RBFOX1: variants seen among roughly 807,000 people sequenced by gnomAD.
RBFOX1 encodes RNA binding fox-1 homolog 1.
RBFOX1 carries 8 observed loss-of-function variants against 57.7 expected under a neutral mutation model. The ratio of observed to expected loss-of-function variants is 0.14; its 90% CI spans 0.08 to 0.25. RBFOX1 has a LOEUF of 0.25. Among genes scored for constraint, RBFOX1 ranks in the 10% least tolerant of loss-of-function variants. The pLI is 1.00. For synonymous variants in RBFOX1, 326 were observed against 222.4 expected (o/e 1.47, Z -4.15); for missense variants, 611 against 548.5 (o/e 1.11, Z -1.14).
intron 3 of RBFOX1, among the ~76,000 whole-genome samples, chr16:5,803,507 T>A (rs1331622460): frequency 6.6e-6 from 1 of 152,178 alleles, no homozygotes; most frequent in Non-Finnish European, 1.5e-5. Context: ...ACTTTCTTTG[T>A]GAGATTGCAG....
intron 1 of RBFOX1, among the ~76,000 whole-genome samples, chr16:5,457,779 T>C (rs571344895): frequency 1.3e-5 from 2 of 152,220 alleles, no homozygotes; most frequent in Non-Finnish European, 2.9e-5. Context: ...TGGTACTTAT[T>C]TTAATTGTTG....
At position 6,459,984 on chromosome 16, in the gene RBFOX1, C is replaced by CAAAAAAAAAAAAAAAAAA. The variant is rs149424076; in HGVS notation, c.-64+142954_-64+142971dup. On this transcript the variant is annotated intron_variant, in intron 2 of 15. Coordinates refer to ENST00000550418, the MANE Select transcript of RBFOX1 (RefSeq NM_018723.4). ...GGGCAACAAGAGTGAAACTCCATCT[C>CAAAAAAAAAAAAAAAAAA]AAAAAAAAAAAAAAAAAAAAAAAAA... 6.9e-4 allele frequency among the ~76,000 whole-genome samples: 33 copies of CAAAAAAAAAAAAAAAAAA among 47,684 alleles called. 3 individuals are homozygous for CAAAAAAAAAAAAAAAAAA. The highest frequency in any genetic ancestry group is 1.0e-3 in the Non-Finnish European group (25 of 24,692). The allele number at this position is 47,684 out of a possible 152,430, so 31.3% of individuals were successfully genotyped here. A position where few individuals can be genotyped will look rare whatever the true frequency, so the allele number is the denominator to read the frequency against.
intron 3 of RBFOX1, chr16:6,704,398 C>T (rs945353695): frequency 2.0e-5 from 3 of 152,254 alleles, no homozygotes; most frequent in African/African-American, 7.2e-5. Flanking sequence ...TGAGGTGGTT[C>T]TGCTGTCCTG....
chr16:5,915,517 T>C (rs2058685700), intron 4 of RBFOX1, among the ~76,000 whole-genome samples: 1 of 152,040 alleles, frequency 6.6e-6, no homozygotes, highest in African/African-American at 2.4e-5. Context: ...GGACCTACTT[T>C]TAGTAGGTAG....
intron 1 of RBFOX1, among the ~76,000 whole-genome samples, chr16:6,160,408 A>G (rs2096869442): frequency 2.0e-5 from 3 of 152,152 alleles, no homozygotes; most frequent in Non-Finnish European, 2.9e-5. Flanking sequence ...GCTAAAATAT[A>G]CTTGTCTAAA....
chr16:7,636,509 A>G lies in RBFOX1; in HGVS notation c.757+5826A>G, dbSNP rs73490694. 4.7e-3 allele frequency among the ~76,000 whole-genome samples: 713 copies of G among 152,250 alleles called. 5 individuals carry two copies. Among genetic ancestry groups the G allele is most frequent in the African/African-American group, 0.016 (674 of 41,530 alleles). On this transcript the variant is annotated intron_variant, in intron 11 of 15. Transcript: ENST00000550418. ...TGTTACACGTGTATTTCCTGTTTTG[A>G]CGATTGATGTTGCTCAGATTCCACC...
intron 4 of RBFOX1, among the ~76,000 whole-genome samples, chr16:5,912,120 C>T (rs2058616089): frequency 6.6e-6 from 1 of 152,158 alleles, no homozygotes; most frequent in Non-Finnish European, 1.5e-5. Context: ...TTGGACAGAC[C>T]TGAGCTTCAC....
At chr16:6,105,601 A>T (rs1453881958) in intron 1 of RBFOX1, among the ~76,000 whole-genome samples, 2 of 151,942 alleles carry the variant, frequency 1.3e-5, no homozygotes, top group African/African-American at 2.4e-5. Flanking sequence ...CATGGACACT[A>T]CCTTTTATTT....
Position 7,194,581 on chromosome 16 carries a change from A to T in RBFOX1, c.27+142483A>T, listed in dbSNP as rs145615818. 1.2e-4 allele frequency among the ~76,000 whole-genome samples: 19 copies of T among 152,270 alleles called. 1 individual carries two copies. The highest frequency in any genetic ancestry group is 3.4e-4 in the African/African-American group (14 of 41,556). ...AATGCCTGAAACCATCTTTGAATCCATTCTGTTTTCTACCCCTTTCCCAGA... is the reference window on the plus strand; with the variant it reads ...AATGCCTGAAACCATCTTTGAATCCTTTCTGTTTTCTACCCCTTTCCCAGA... On this transcript the variant is annotated intron_variant, in intron 4 of 15. Coordinates refer to ENST00000550418, the MANE Select transcript of RBFOX1 (RefSeq NM_018723.4).
intron 3 of RBFOX1, among the ~76,000 whole-genome samples, chr16:7,011,796 G>C (rs1435105321): frequency 1.3e-5 from 2 of 152,224 alleles, no homozygotes; most frequent in African/African-American, 4.8e-5. Flanking sequence ...TTACAGGCGT[G>C]AGCCGCCGCA....
chr16:6,518,436 G>A (rs1008967808), intron 2 of RBFOX1, among the ~76,000 whole-genome samples: 2 of 152,248 alleles, frequency 1.3e-5, no homozygotes, highest in African/African-American at 2.4e-5. Flanking sequence ...GGTGATGACC[G>A]TGTGTCATTT....
chr16:6,818,837 G>T (rs897954416), intron 3 of RBFOX1, among the ~76,000 whole-genome samples: 1 of 152,084 alleles, frequency 6.6e-6, no homozygotes, highest in East Asian at 1.9e-4. Context: ...TGGGCATATC[G>T]CCCAACTCAG....
intron 3 of RBFOX1, among the ~76,000 whole-genome samples, chr16:6,789,854 G>A (rs2082606166): frequency 6.6e-6 from 1 of 151,686 alleles, no homozygotes; most frequent in Non-Finnish European, 1.5e-5. Context: ...TTCATTAAGT[G>A]GTTAGCTACT....
At chr16:7,062,830 G>A (rs1279487682) in intron 4 of RBFOX1, among the ~76,000 whole-genome samples, 1 of 131,880 alleles carries the variant, frequency 7.6e-6, no homozygotes, top group African/African-American at 2.9e-5. Context: ...CTGCCTTTAT[G>A]TTTAACCCTG....
At chr16:6,768,640 A>G (rs1274184961) in intron 3 of RBFOX1, among the ~76,000 whole-genome samples, 4 of 151,680 alleles carry the variant, frequency 2.6e-5, no homozygotes. Context: ...GCCTACCTGT[A>G]TATATTCATT....
intron 4 of RBFOX1, among the ~76,000 whole-genome samples, chr16:7,444,452 G>A (rs979371460): frequency 6.6e-6 from 1 of 152,160 alleles, no homozygotes; most frequent in Non-Finnish European, 1.5e-5. Context: ...AACAGCCTAG[G>A]GGGAGAGCAG....
At chr16:7,000,714 C>A (rs755425892) in intron 3 of RBFOX1, among the ~76,000 whole-genome samples, 1 of 145,876 alleles carries the variant, frequency 6.9e-6, no homozygotes, top group Non-Finnish European at 1.5e-5. Context: ...ATGCCATTCT[C>A]CTGCCTCAGC....
At chr16:7,396,829 T>C (rs1359955849) in intron 4 of RBFOX1, among the ~76,000 whole-genome samples, 1 of 152,082 alleles carries the variant, frequency 6.6e-6, no homozygotes, top group Non-Finnish European at 1.5e-5. Flanking sequence ...TAATCCCAGC[T>C]ACTCTGGAGG....
intron 3 of RBFOX1, among the ~76,000 whole-genome samples, chr16:6,948,734 A>T (rs752128054): frequency 6.6e-6 from 1 of 152,080 alleles, no homozygotes; most frequent in Non-Finnish European, 1.5e-5. Context: ...TATGTTTTGA[A>T]ATGTTCACTA....
Sources: allele counts gnomAD v4.1 joint callset (sites outside exome capture counted in the v4.1 genomes callset), GRCh38; gene constraint gnomAD v4.1.1; transcripts MANE v1.5; gene names NCBI Gene and HGNC (gene_info 2026-07-23, HGNC 2026-07-21).